DLGAP1: variants seen among roughly 807,000 people sequenced by gnomAD.
The protein encoded by DLGAP1 is disks large-associated protein 1.
A neutral mutation model predicts 90.8 loss-of-function variants in DLGAP1; 11 were observed. The ratio of observed to expected loss-of-function variants is 0.12; its 90% CI spans 0.08 to 0.20. DLGAP1 has a LOEUF of 0.20. Among genes scored for constraint, DLGAP1 ranks in the 10% least tolerant of loss-of-function variants. DLGAP1 has a pLI of 1.00. For missense variants in DLGAP1, 1,050 were observed against 1,333.8 expected, an observed-to-expected ratio of 0.79 and a Z score of 3.31; for synonymous variants, 558 against 540.7, an observed-to-expected ratio of 1.03 and a Z score of -0.44.
At chr18:4,168,776 G>T (rs2076975761) in intron 1 of DLGAP1, among the ~76,000 whole-genome samples, 1 of 152,086 alleles carries the variant, frequency 6.6e-6, no homozygotes, top group African/African-American at 2.4e-5. Context: ...AAAGATGGGG[G>T]TCTTACTATG....
chr18:4,134,552 A>G (rs16946081), intron 2 of DLGAP1, among the ~76,000 whole-genome samples: 4,668 of 152,260 alleles, frequency 0.031, 245 homozygotes, highest in African/African-American at 0.11. Context: ...ATACCAATGC[A>G]TATGTTATTT....
At chr18:4,396,364 A>T (rs9951902) in intron 1 of DLGAP1, among the ~76,000 whole-genome samples, 70,559 of 152,040 alleles carry the variant, frequency 0.46, 17,086 homozygotes, top group East Asian at 0.68. Context: ...ACACGGACAG[A>T]AGCAACTCTG....
intron 1 of DLGAP1, among the ~76,000 whole-genome samples, chr18:4,158,292 G>A (rs11875001): frequency 0.065 from 9,830 of 151,958 alleles, 842 homozygotes; most frequent in East Asian, 0.25. Context: ...TTATTTACTT[G>A]GAATAACATG....
chr18:3,806,037 T>A (rs1220117908), intron 5 of DLGAP1, among the ~76,000 whole-genome samples: 1 of 152,206 alleles, frequency 6.6e-6, no homozygotes, highest in Non-Finnish European at 1.5e-5. Flanking sequence ...AGCTTGCTTC[T>A]AAAAAGGATT....
At chr18:4,167,507 A>T (rs2076952084) in intron 1 of DLGAP1, among the ~76,000 whole-genome samples, 1 of 152,188 alleles carries the variant, frequency 6.6e-6, no homozygotes. Flanking sequence ...AATTTCACCT[A>T]AGAGGGTACA....
At chr18:4,398,976 C>T (rs770683578) in intron 1 of DLGAP1, among the ~76,000 whole-genome samples, 1 of 152,134 alleles carries the variant, frequency 6.6e-6, no homozygotes, top group Admixed American at 6.5e-5. Context: ...GGACTACAAG[C>T]GCGCACCACT....
At chr18:4,300,873 T>C (rs567711512) in intron 1 of DLGAP1, among the ~76,000 whole-genome samples, 104 of 152,320 alleles carry the variant, frequency 6.8e-4, no homozygotes, top group African/African-American at 2.4e-3. Flanking sequence ...AATGTTAGGG[T>C]TGTTTTGTCA....
At chr18:3,541,720 G>A (rs771828599) in intron 9 of DLGAP1, among the ~76,000 whole-genome samples, 3 of 152,178 alleles carry the variant, frequency 2.0e-5, no homozygotes, top group South Asian at 2.1e-4. Context: ...AGTCCCTTGC[G>A]ATCAAAAGAG....
chr18:4,421,977 G>A (rs1001021801), intron 1 of DLGAP1, among the ~76,000 whole-genome samples: 1 of 152,150 alleles, frequency 6.6e-6, no homozygotes, highest in Admixed American at 6.5e-5. Flanking sequence ...GCCTCCCAAA[G>A]TGCTAGGATT....
chr18:3,746,628 T>C (rs1308919892), intron 5 of DLGAP1, among the ~76,000 whole-genome samples: 1 of 151,868 alleles, frequency 6.6e-6, no homozygotes, highest in Admixed American at 6.6e-5. Context: ...ACCAACACAA[T>C]AAAAAATGGT....
chr18:4,244,385 A>T (rs1415000025), intron 1 of DLGAP1, among the ~76,000 whole-genome samples: 1 of 152,234 alleles, frequency 6.6e-6, no homozygotes, highest in Admixed American at 6.5e-5. Flanking sequence ...AGATGTTTCT[A>T]GATTTCTGAT....
chr18:3,758,937 G>T (rs2063832167), intron 5 of DLGAP1, among the ~76,000 whole-genome samples: 1 of 152,020 alleles, frequency 6.6e-6, no homozygotes, highest in African/African-American at 2.4e-5. Flanking sequence ...TTCATAAAGG[G>T]ATCTATTTCA....
At chr18:3,668,735 C>T (rs180887826) in intron 7 of DLGAP1, among the ~76,000 whole-genome samples, 1 of 152,162 alleles carries the variant, frequency 6.6e-6, no homozygotes, top group Non-Finnish European at 1.5e-5. Flanking sequence ...CACTGGCTCA[C>T]GCATGGAATC....
chr18:4,101,304 C>T (rs749602810), intron 2 of DLGAP1, among the ~76,000 whole-genome samples: 42 of 152,068 alleles, frequency 2.8e-4, no homozygotes, highest in Non-Finnish European at 5.1e-4. Flanking sequence ...TGAGAAGAGG[C>T]ATGAGAATAG....
chr18:4,142,736 T>G (rs1521422), intron 2 of DLGAP1, among the ~76,000 whole-genome samples: 58,586 of 151,900 alleles, frequency 0.39, 12,185 homozygotes, highest in African/African-American at 0.56. Flanking sequence ...TCCTTTGGAA[T>G]GCTCTCCAGG....
At chr18:4,165,476 AG>A (rs1262392223) in intron 1 of DLGAP1, among the ~76,000 whole-genome samples, 1 of 152,214 alleles carries the variant, frequency 6.6e-6, no homozygotes, top group Non-Finnish European at 1.5e-5. Flanking sequence ...ACTTGGCTAA[AG>A]GAAGTTCTTC....
At chr18:3,601,009 G>GATATATAGAT (rs1568280262) in intron 7 of DLGAP1, among the ~76,000 whole-genome samples, 6 of 118,966 alleles carry the variant, frequency 5.0e-5, no homozygotes, top group East Asian at 2.4e-4. Context: ...TATAGATATA[G>GATATATAGAT]ATAGATATAT....
At chr18:4,201,231 C>T (rs902810564) in intron 1 of DLGAP1, among the ~76,000 whole-genome samples, 1 of 152,016 alleles carries the variant, frequency 6.6e-6, no homozygotes, top group Non-Finnish European at 1.5e-5. Context: ...GGCCAATGTC[C>T]AGAAGAGTTT....
chr18:3,964,831 G>A (rs16945717), intron 3 of DLGAP1, among the ~76,000 whole-genome samples: 53,331 of 151,968 alleles, frequency 0.35, 9,505 homozygotes, highest in Middle Eastern at 0.42. Context: ...AGTGCAAACT[G>A]TGGACAAAGA....
Sources: allele counts gnomAD v4.1 joint callset (sites outside exome capture counted in the v4.1 genomes callset), GRCh38; gene constraint gnomAD v4.1.1; transcripts MANE v1.5; gene names NCBI Gene and HGNC (gene_info 2026-07-23, HGNC 2026-07-21).